The following SLC49A4 variants were observed in gnomAD, a reference collection of about 807,000 sequenced individuals.
SLC49A4 encodes solute carrier family 49 member 4, also known as disrupted in renal cancer protein 2.
Under a neutral mutation model 50.6 loss-of-function variants are expected in SLC49A4, and 36 were observed. The ratio of observed to expected loss-of-function variants is 0.71; its 90% CI spans 0.55 to 0.94. The LOEUF (loss-of-function observed/expected upper bound fraction) is 0.94. Among genes scored for constraint, SLC49A4 ranks in the 40% least tolerant of loss-of-function variants. The pLI, the probability that SLC49A4 is intolerant of heterozygous loss-of-function variation, is 0.00. For synonymous variants in SLC49A4, 248 were observed against 241.2 expected (o/e 1.03, Z -0.26); for missense variants, 503 against 605.7 (o/e 0.83, Z 1.78).
In SLC49A4 at chr3:122,795,092, C is replaced by A; in HGVS notation, c.-101C>A. ...GCGGTCCGGAGGCCGAGGGCGACCA[C>A]AGCAGCCTCCGCCTCCTGCTGCTCA... On this transcript the variant is annotated 5_prime_UTR_variant, in exon 1 of 9. Coordinates refer to ENST00000261038, the MANE Select transcript of SLC49A4 (RefSeq NM_032839.3). 8.3e-7 allele frequency: 1 copy of A among 1,207,180 alleles called. No homozygotes were observed. Among genetic ancestry groups the A allele is most frequent in the Non-Finnish European group, 1.0e-6 (1 of 967,626 alleles). The allele number at this position is 1,207,180 out of a possible 1,614,324, so 74.8% of individuals were successfully genotyped here.
At chr3:122,862,365 A>G (rs1208042987) in intron 7 of SLC49A4, among the ~76,000 whole-genome samples, 1 of 152,188 alleles carries the variant, frequency 6.6e-6, no homozygotes, top group Non-Finnish European at 1.5e-5. Flanking sequence ...CATCCTGCCA[A>G]CAGTCCCTCT....
rs1032736048 is a variant in SLC49A4 at position 122,795,151 on chromosome 3, C to T, written c.-42C>T. ...CTGCGCTGGGCTAGTCGGCGGTGAC[C>T]CGGACTGCGCCCGGCAGTGGCTTCG... On this transcript the variant is annotated 5_prime_UTR_variant, in exon 1 of 9. Coordinates refer to ENST00000261038, the MANE Select transcript of SLC49A4 (RefSeq NM_032839.3). The T allele has an allele frequency of 6.1e-6, 8 of 1,305,828 alleles. No homozygotes were observed. Among genetic ancestry groups the T allele is most frequent in the South Asian group, 5.1e-5 (2 of 39,352 alleles). 80.9% of individuals were successfully genotyped at this position (1,305,828 alleles called of 1,614,324 possible). A position where few individuals can be genotyped will look rare whatever the true frequency, so the allele number is the denominator to read the frequency against.
At chr3:122,853,305 C>A (rs79832389) in intron 5 of SLC49A4, among the ~76,000 whole-genome samples, 4,986 of 152,270 alleles carry the variant, frequency 0.033, 120 homozygotes, top group Middle Eastern at 0.071. Flanking sequence ...GGATTAAGTT[C>A]CAACATGTGA....
chr3:122,848,634 T>C (rs77779616), intron 5 of SLC49A4, among the ~76,000 whole-genome samples: 11,905 of 152,226 alleles, frequency 0.078, 707 homozygotes, highest in Non-Finnish European at 0.13. Flanking sequence ...TATTTGATAC[T>C]TTTTGAAGCT....
At chr3:122,853,854 G>C (rs1936954236) in intron 5 of SLC49A4, among the ~76,000 whole-genome samples, 1 of 152,172 alleles carries the variant, frequency 6.6e-6, no homozygotes, top group Admixed American at 6.5e-5. Flanking sequence ...TACAAACTCT[G>C]AGAGAGATAG....
chr3:122,806,791 T>A, intron 1 of SLC49A4, 66 bp from the exon 2 acceptor site: 1 of 966,058 alleles, frequency 1.0e-6, no homozygotes, highest in Non-Finnish European at 1.7e-6. Flanking sequence ...CTAAAAATAA[T>A]CTTTATTTTT....
At chr3:122,840,434 GA>G (rs1281817514) in intron 4 of SLC49A4, among the ~76,000 whole-genome samples, 1 of 151,874 alleles carries the variant, frequency 6.6e-6, no homozygotes, top group Non-Finnish European at 1.5e-5. Context: ...AAAAATCTTT[GA>G]AAATTTTTAA....
intron 7 of SLC49A4, among the ~76,000 whole-genome samples, chr3:122,866,353 T>C (rs1364688961): frequency 6.6e-6 from 1 of 152,140 alleles, no homozygotes; most frequent in Non-Finnish European, 1.5e-5. Context: ...ATTTTTGTTT[T>C]TAATATCCTG....
At chr3:122,824,101 A>G (rs1471055279) in intron 2 of SLC49A4, among the ~76,000 whole-genome samples, 1 of 152,260 alleles carries the variant, frequency 6.6e-6, no homozygotes, top group African/African-American at 2.4e-5. Context: ...TAGTTCTCCT[A>G]CTGAGCTTGT....
At chr3:122,824,874 A>G (rs1011347748) in intron 2 of SLC49A4, among the ~76,000 whole-genome samples, 6 of 151,566 alleles carry the variant, frequency 4.0e-5, no homozygotes, top group African/African-American at 7.3e-5. Flanking sequence ...CTGGGATTAC[A>G]GGCATGCGTC....
intron 7 of SLC49A4, among the ~76,000 whole-genome samples, chr3:122,860,936 A>G (rs930406127): frequency 6.6e-6 from 1 of 152,146 alleles, no homozygotes; most frequent in Admixed American, 6.6e-5. Flanking sequence ...GCCTTTTCCA[A>G]CTTCTAGAGG....
chr3:122,876,839 A>ACTT (rs1266631314), intron 8 of SLC49A4, among the ~76,000 whole-genome samples: 2 of 152,202 alleles, frequency 1.3e-5, no homozygotes, highest in Non-Finnish European at 2.9e-5. Context: ...TGCAGAGCCC[A>ACTT]CTTCACTGAG....
At chr3:122,831,572 A>G (rs544248200) in intron 3 of SLC49A4, among the ~76,000 whole-genome samples, 6 of 152,274 alleles carry the variant, frequency 3.9e-5, no homozygotes, top group South Asian at 4.1e-4. Context: ...ACTCAAATCT[A>G]TAGGGACTAA....
At chr3:122,873,989 G>A (rs779278552) in intron 8 of SLC49A4, among the ~76,000 whole-genome samples, 3 of 152,154 alleles carry the variant, frequency 2.0e-5, no homozygotes, top group Admixed American at 6.5e-5. Context: ...GGTTGGTGCC[G>A]CCCAGCAGAG....
chr3:122,847,461 C>T (rs1188057250), intron 5 of SLC49A4, among the ~76,000 whole-genome samples: 2 of 151,112 alleles, frequency 1.3e-5, no homozygotes, highest in Non-Finnish European at 2.9e-5. Context: ...CATTCTTCTG[C>T]CTCAGCCTCC....
chr3:122,840,619 A>G (rs1461724587), intron 4 of SLC49A4, among the ~76,000 whole-genome samples: 9 of 152,178 alleles, frequency 5.9e-5, no homozygotes, highest in Admixed American at 5.9e-4. Context: ...TTAATGAGAT[A>G]TGTTATTCAT....
intron 8 of SLC49A4, among the ~76,000 whole-genome samples, chr3:122,877,782 T>C (rs1030102919): frequency 9.9e-5 from 2 of 20,296 alleles, no homozygotes; most frequent in Non-Finnish European, 9.2e-4. Context: ...CCAGGGGTTA[T>C]ATAGTCAAAA....
intron 1 of SLC49A4, among the ~76,000 whole-genome samples, chr3:122,804,940 G>GCCATAAACA (rs1201000124): frequency 6.6e-6 from 1 of 152,140 alleles, no homozygotes; most frequent in African/African-American, 2.4e-5. Flanking sequence ...GGACCATATG[G>GCCATAAACA]CCATAAACAG....
intron 5 of SLC49A4, among the ~76,000 whole-genome samples, chr3:122,847,258 G>A (rs1360571697): frequency 6.6e-6 from 1 of 151,838 alleles, no homozygotes; most frequent in Non-Finnish European, 1.5e-5. Context: ...ACTAGTAATT[G>A]AACTGCCTAC....
Sources: gnomAD v4.1 joint callset for allele counts (sites outside exome capture counted in the v4.1 genomes callset) on GRCh38, gnomAD v4.1.1 for gene constraint, MANE v1.5 for transcripts, NCBI Gene and HGNC (gene_info 2026-07-23, HGNC 2026-07-21) for gene names.